Variants in GNAZ observed in about 807,000 individuals in gnomAD.
GNAZ encodes guanine nucleotide-binding protein G(z) subunit alpha.
A neutral mutation model predicts 25.4 loss-of-function variants in GNAZ; 3 were observed. The ratio of observed to expected loss-of-function variants is 0.12; its 90% CI spans 0.05 to 0.30. The LOEUF (loss-of-function observed/expected upper bound fraction) is 0.30. Among genes scored for constraint, GNAZ ranks in the 10% least tolerant of loss-of-function variants. GNAZ has a pLI of 1.00. For synonymous variants in GNAZ, 211 were observed against 205.7 expected, an observed-to-expected ratio of 1.03 and a Z score of -0.22; for missense variants, 241 against 501.8, an observed-to-expected ratio of 0.48 and a Z score of 4.97.
chr22:23,083,313 G>C (rs191268867), intron 1 of GNAZ, among the ~76,000 whole-genome samples: 95 of 152,190 alleles, frequency 6.2e-4, no homozygotes, highest in Non-Finnish European at 1.0e-3. Flanking sequence ...GGCCCACAGA[G>C]TCCCAGGGAT....
chr22:23,098,278 TC>T (rs1265737792), intron 2 of GNAZ, among the ~76,000 whole-genome samples: 1 of 152,212 alleles, frequency 6.6e-6, no homozygotes, highest in Non-Finnish European at 1.5e-5. Context: ...CCTGCCCTTA[TC>T]CTCCAGGTCT....
At chr22:23,110,127 T>A (rs2069604445) in intron 2 of GNAZ, among the ~76,000 whole-genome samples, 1 of 152,190 alleles carries the variant, frequency 6.6e-6, no homozygotes, top group African/African-American at 2.4e-5. Context: ...AGTGGGAGGA[T>A]GACCAGGCCT....
At chr22:23,104,548 GA>G (rs1303035902) in intron 2 of GNAZ, among the ~76,000 whole-genome samples, 1 of 151,794 alleles carries the variant, frequency 6.6e-6, no homozygotes, top group Admixed American at 6.5e-5. Flanking sequence ...ACACACACAT[GA>G]GAACAGCTCT....
rs1342383509 is a variant in GNAZ at position 23,123,321 on chromosome 22, A to T, written c.958A>T (p.Ile320Phe). 6.2e-7 allele frequency: 1 copy of T among 1,613,972 alleles called. No homozygotes were observed. Among genetic ancestry groups the T allele is most frequent in the Non-Finnish European group, 8.5e-7 (1 of 1,179,928 alleles). Residue 320 changes from isoleucine to phenylalanine, a missense_variant, in exon 3 of 3, where the codon ATC becomes TTC. Transcript: ENST00000615612. ...GAACCGCAACAAGGAGACCAAGGAG[A>T]TCTACTCCCACTTCACCTGCGCCAC... ...DLNRNKETKE[I>F]YSHFTCATDT...
chr22:23,115,021 C>T (rs902822305), intron 2 of GNAZ, among the ~76,000 whole-genome samples: 1 of 152,186 alleles, frequency 6.6e-6, no homozygotes, highest in African/African-American at 2.4e-5. Context: ...AGAGCTGAAA[C>T]CTTAATGTCA....
intron 2 of GNAZ, among the ~76,000 whole-genome samples, chr22:23,120,482 G>A (rs1601838046): frequency 6.6e-6 from 1 of 152,172 alleles, no homozygotes; most frequent in East Asian, 1.9e-4. Flanking sequence ...ACCAGTACAC[G>A]TGAACTGTTT....
chr22:23,106,283 C>T (rs1238780686), intron 2 of GNAZ, among the ~76,000 whole-genome samples: 1 of 152,248 alleles, frequency 6.6e-6, no homozygotes, highest in Non-Finnish European at 1.5e-5. Flanking sequence ...GGGGTGGCGC[C>T]TTGGGCCTGT....
chr22:23,086,876 C>T (rs1316221064), intron 1 of GNAZ, among the ~76,000 whole-genome samples: 1 of 152,232 alleles, frequency 6.6e-6, no homozygotes, highest in African/African-American at 2.4e-5. Flanking sequence ...CAACAGAGAG[C>T]TGCCACCGAG....
At chr22:23,086,265 C>G (rs1048631486) in intron 1 of GNAZ, among the ~76,000 whole-genome samples, 2 of 152,330 alleles carry the variant, frequency 1.3e-5, no homozygotes, top group African/African-American at 4.8e-5. Flanking sequence ...TTGGTGGGAG[C>G]AGAGGCCTGC....
At chr22:23,113,118 C>T (rs755476933) in intron 2 of GNAZ, among the ~76,000 whole-genome samples, 13 of 152,232 alleles carry the variant, frequency 8.5e-5, no homozygotes, top group Non-Finnish European at 1.9e-4. Flanking sequence ...CAGGAAGACA[C>T]ATGTTAGACA....
Position 23,107,240 on chromosome 22 carries a change from G to A in GNAZ, c.723+10822G>A, listed in dbSNP as rs368783314. Among the ~76,000 whole-genome samples the A allele has an allele frequency of 5.9e-5, 9 of 152,242 alleles. No homozygotes were observed. The South Asian group carries it at 6.2e-4, about 11-fold the overall frequency. ...AGCAGAGGCTCTGACTTCTGGACTC[G>A]GCTGGAACACACCCCTGCCCTGGCC... On this transcript the variant is annotated intron_variant, in intron 2 of 2. Transcript: ENST00000615612.
intron 1 of GNAZ, among the ~76,000 whole-genome samples, chr22:23,087,512 C>T (rs894918239): frequency 3.9e-5 from 6 of 152,194 alleles, no homozygotes; most frequent in Non-Finnish European, 8.8e-5. Flanking sequence ...GCTGCCTAGA[C>T]AGAGCCGATT....
intron 1 of GNAZ, among the ~76,000 whole-genome samples, chr22:23,073,317 C>T (rs912825055): frequency 2.0e-5 from 3 of 152,242 alleles, no homozygotes; most frequent in Admixed American, 6.5e-5. Context: ...TGAACAGAGG[C>T]GTCAGTGCAG....
chr22:23,111,092 C>A (rs1214907428), intron 2 of GNAZ, among the ~76,000 whole-genome samples: 2 of 152,206 alleles, frequency 1.3e-5, no homozygotes, highest in Non-Finnish European at 2.9e-5. Context: ...GCGCGCCTTC[C>A]CTGTGAGCGT....
intron 2 of GNAZ, among the ~76,000 whole-genome samples, chr22:23,113,007 CAGA>C (rs1300985711): frequency 6.6e-6 from 1 of 152,150 alleles, no homozygotes. Context: ...CCCATTTTAC[CAGA>C]AGAAGGGGAC....
At chr22:23,117,925 C>A (rs1427916418) in intron 2 of GNAZ, among the ~76,000 whole-genome samples, 2 of 152,190 alleles carry the variant, frequency 1.3e-5, no homozygotes, top group Non-Finnish European at 2.9e-5. Context: ...CCACTCCCTA[C>A]CTTGCCCCGG....
intron 1 of GNAZ, among the ~76,000 whole-genome samples, chr22:23,086,036 A>G (rs1172608464): frequency 6.6e-6 from 1 of 152,266 alleles, no homozygotes; most frequent in Admixed American, 6.5e-5. Flanking sequence ...TAGTGGCAGA[A>G]GCGGTTCCTC....
chr22:23,097,432 G>C (rs2069158395), intron 2 of GNAZ, among the ~76,000 whole-genome samples: 1 of 152,240 alleles, frequency 6.6e-6, no homozygotes, highest in African/African-American at 2.4e-5. Context: ...CTAGGAGCCT[G>C]AGTGTTCTGA....
intron 1 of GNAZ, among the ~76,000 whole-genome samples, chr22:23,089,721 T>TG (rs1187999414): frequency 1.3e-5 from 2 of 152,152 alleles, no homozygotes; most frequent in African/African-American, 4.8e-5. Flanking sequence ...TGTCCATGTG[T>TG]GGGCTGAAGG....
Sources: allele counts gnomAD v4.1 joint callset (sites outside exome capture counted in the v4.1 genomes callset), GRCh38; gene constraint gnomAD v4.1.1; transcripts MANE v1.5; gene names NCBI Gene and HGNC (gene_info 2026-07-23, HGNC 2026-07-21).